Variants in DENND5B observed in about 807,000 individuals in gnomAD.
DENND5B encodes DENN domain containing 5B.
DENND5B carries 34 observed loss-of-function variants against 140.6 expected under a neutral mutation model. The observed-to-expected ratio is 0.24, with a 90% confidence interval of 0.18 to 0.32. The LOEUF is 0.32. Ranked by LOEUF, DENND5B falls within the 10% of genes least tolerant of loss-of-function variation. DENND5B has a pLI of 1.00. For synonymous variants in DENND5B, 551 were observed against 562.1 expected (o/e 0.98, Z 0.28); for missense variants, 1,142 against 1,560.2 (o/e 0.73, Z 4.52).
chr12:31,458,205 T>C (rs1379269136), intron 4 of DENND5B, among the ~76,000 whole-genome samples: 1 of 152,192 alleles, frequency 6.6e-6, no homozygotes, highest in Non-Finnish European at 1.5e-5. Context: ...GGCATAGAGA[T>C]GGAAAGGTTT....
intron 4 of DENND5B, 148 bp from the exon 5 acceptor site, chr12:31,452,624 G>T: frequency 1.3e-6 from 1 of 783,294 alleles, no homozygotes; most frequent in Non-Finnish European, 1.9e-6. Flanking sequence ...AGGGGTTCGA[G>T]ACAAGACTGG....
intron 7 of DENND5B, among the ~76,000 whole-genome samples, 194 bp from the exon 8 acceptor site, chr12:31,433,442 C>T (rs1943607156): frequency 6.6e-6 from 1 of 152,146 alleles, no homozygotes; most frequent in African/African-American, 2.4e-5. Context: ...TTTTTAGTAT[C>T]TTTCCAGATA....
chr12:31,455,074 C>T lies in DENND5B; in HGVS notation c.1093-2598G>A, dbSNP rs552575753. On this transcript the variant is annotated intron_variant, in intron 4 of 20. Coordinates refer to ENST00000389082, the MANE Select transcript of DENND5B (RefSeq NM_144973.4). ...TGACCTTGTGATCCGCCCACCTTGG[C>T]GTCCCAAAGTGCTGGGATTACAGGC... Among the ~76,000 whole-genome samples the T allele has an allele frequency of 5.9e-5, 9 of 152,060 alleles. No homozygotes were observed. The East Asian group carries it at 1.5e-3, about 26-fold the overall frequency.
chr12:31,388,063 T>G (rs1044120698), intron 20 of DENND5B, among the ~76,000 whole-genome samples: 1 of 152,052 alleles, frequency 6.6e-6, no homozygotes, highest in African/African-American at 2.4e-5. Context: ...AGAAAGTCTA[T>G]GCACATTAAA....
intron 1 of DENND5B, among the ~76,000 whole-genome samples, chr12:31,529,281 A>G (rs1312291751): frequency 6.6e-6 from 1 of 152,198 alleles, no homozygotes; most frequent in Non-Finnish European, 1.5e-5. Flanking sequence ...GAAAAAAACT[A>G]GAGAAAATCT....
intron 1 of DENND5B, among the ~76,000 whole-genome samples, chr12:31,566,082 T>C (rs1209737156): frequency 6.6e-6 from 1 of 152,098 alleles, no homozygotes; most frequent in African/African-American, 2.4e-5. Context: ...AAGGTGGAGA[T>C]GGCAGTGAGC....
Position 31,426,181 on chromosome 12 carries a change from T to G in DENND5B, c.2238+112A>C, listed in dbSNP as rs937252484. 2.6e-5 allele frequency: 34 copies of G among 1,330,042 alleles called. No homozygotes were observed. In the Admixed American group the frequency reaches 1.0e-3, roughly 40 times the overall value. 82.4% of individuals were successfully genotyped at this position (1,330,042 alleles called of 1,614,324 possible). On this transcript the variant is annotated intron_variant, in intron 9 of 20. Transcript: ENST00000389082. ...CATGAGGTCAATGCCACAGTAAAAG[T>G]TTTCTTCTAGCAAAATTACATGCTT...
chr12:31,533,887 GT>G (rs571204281), intron 1 of DENND5B, among the ~76,000 whole-genome samples: 4,662 of 142,112 alleles, frequency 0.033, 175 homozygotes, highest in African/African-American at 0.1. Flanking sequence ...GCTTTTTAGT[GT>G]TTTTTTTTTT....
intron 1 of DENND5B, among the ~76,000 whole-genome samples, chr12:31,575,565 T>C: frequency 6.6e-6 from 1 of 152,140 alleles, no homozygotes; most frequent in East Asian, 1.9e-4. Flanking sequence ...ATTGTCCCTG[T>C]TTTCTCAAAG....
rs528131012 is a variant in DENND5B at position 31,469,042 on chromosome 12, A to G, written c.905-8661T>C. On this transcript the variant is annotated intron_variant, in intron 3 of 20. Coordinates refer to ENST00000389082, the MANE Select transcript of DENND5B (RefSeq NM_144973.4). The stretch of plus-strand genomic sequence containing the variant: ...CAAGGAACAAAAATTTATTCAAGAA[A>G]AAAATAGAGGTGGCCAGGTGCATTG... 1.4e-4 allele frequency among the ~76,000 whole-genome samples: 21 copies of G among 152,288 alleles called. No homozygotes were observed. In the South Asian group the frequency reaches 4.1e-3, roughly 30 times the overall value.
intron 15 of DENND5B, 112 bp from the exon 16 acceptor site, chr12:31,399,884 A>G: frequency 1.4e-6 from 1 of 711,178 alleles, no homozygotes; most frequent in Middle Eastern, 2.4e-4. Flanking sequence ...CAAACCCTGC[A>G]TAATGTATTC....
In DENND5B at chr12:31,382,804, T is replaced by A. The variant is rs1208270350; in HGVS notation, c.*4799A>T. On this transcript the variant is annotated 3_prime_UTR_variant, in exon 21 of 21. Transcript: ENST00000389082. ...GAGAGGGTGAACAGCTCCAATCAGATTTTGGAGAGGAGGTTCTCCTTAGAT... is the reference window on the plus strand; with the variant it reads ...GAGAGGGTGAACAGCTCCAATCAGAATTTGGAGAGGAGGTTCTCCTTAGAT... The A allele has an allele frequency of 6.6e-6, 1 of 152,052 alleles. No individual in the cohort carries two copies. Among genetic ancestry groups the A allele is most frequent in the Non-Finnish European group, 1.5e-5 (1 of 68,012 alleles). The allele number at this position is 152,052 out of a possible 1,614,324, so 9.4% of individuals were successfully genotyped here.
At chr12:31,425,793 A>G (rs1943203284) in intron 9 of DENND5B, among the ~76,000 whole-genome samples, 1 of 152,226 alleles carries the variant, frequency 6.6e-6, no homozygotes, top group South Asian at 2.1e-4. Flanking sequence ...AGCTAAAATG[A>G]TGTTTTAAGT....
chr12:31,393,347 G>A (rs781006392), intron 17 of DENND5B, among the ~76,000 whole-genome samples: 4 of 152,080 alleles, frequency 2.6e-5, no homozygotes, highest in Non-Finnish European at 5.9e-5. Flanking sequence ...GTGGCATCTG[G>A]GCCTGAAGCC....
At chr12:31,554,463 G>A (rs1437304773) in intron 1 of DENND5B, among the ~76,000 whole-genome samples, 1 of 152,128 alleles carries the variant, frequency 6.6e-6, no homozygotes, top group Non-Finnish European at 1.5e-5. Flanking sequence ...CCCTTTGTGG[G>A]TAACCCGACC....
At chr12:31,477,057 G>A (rs928974773) in intron 3 of DENND5B, among the ~76,000 whole-genome samples, 4 of 151,848 alleles carry the variant, frequency 2.6e-5, no homozygotes, top group Non-Finnish European at 5.9e-5. Flanking sequence ...TGAAAACCCT[G>A]TCTCTACTAA....
intron 6 of DENND5B, 79 bp downstream of exon 6, chr12:31,447,456 TTTG>T (rs1157947662): frequency 8.1e-7 from 1 of 1,232,666 alleles, no homozygotes; most frequent in Non-Finnish European, 1.1e-6. Context: ...GAAAATTAAT[TTTG>T]TTGTACGTAA....
rs1940707618 is a variant in DENND5B, at chr12:31,383,274, C to T, written c.*4329G>A. On this transcript the variant is annotated 3_prime_UTR_variant, in exon 21 of 21. Coordinates refer to ENST00000389082, the MANE Select transcript of DENND5B (RefSeq NM_144973.4). ...CTAATGTTGTGAAATAAATATTTCCCTGGAAATTTGAGGTCCTTGTCTGTC... is the reference window on the plus strand; with the variant it reads ...CTAATGTTGTGAAATAAATATTTCCTTGGAAATTTGAGGTCCTTGTCTGTC... 1 of 152,056 alleles carries T rather than the reference C, an allele frequency of 6.6e-6. No individual in the cohort carries two copies. The highest frequency in any genetic ancestry group is 2.1e-4 in the South Asian group (1 of 4,820). The allele number at this position is 152,056 out of a possible 1,614,324, so 9.4% of individuals were successfully genotyped here.
chr12:31,426,220 C>G, intron 9 of DENND5B, 73 bp downstream of exon 9: 1 of 1,486,088 alleles, frequency 6.7e-7, no homozygotes, highest in African/African-American at 1.4e-5. Flanking sequence ...TGGGGGTTAA[C>G]TCAGTTCATC....
Sources: gnomAD v4.1 joint callset for allele counts (sites outside exome capture counted in the v4.1 genomes callset) on GRCh38, gnomAD v4.1.1 for gene constraint, MANE v1.5 for transcripts, NCBI Gene and HGNC (gene_info 2026-07-23, HGNC 2026-07-21) for gene names.